The following RAPGEF4 variants were observed in gnomAD, a reference collection of about 807,000 sequenced individuals.
RAPGEF4 encodes RAP guanine-nucleotide-exchange factor (GEF) 4.
Under a neutral mutation model 147.9 loss-of-function variants are expected in RAPGEF4, and 66 were observed. The observed-to-expected ratio is 0.45, with a 90% CI of 0.37 to 0.55. The LOEUF (loss-of-function observed/expected upper bound fraction) is 0.55. RAPGEF4 is among the 20% of genes least tolerant of loss of function. RAPGEF4 has a pLI of 0.00. For synonymous variants in RAPGEF4, 419 were observed against 442.7 expected, an observed-to-expected ratio of 0.95 and a Z score of 0.67; for missense variants, 1,071 against 1,257.3, an observed-to-expected ratio of 0.85 and a Z score of 2.24.
At chr2:172,904,397 A>G (rs72908268) in intron 4 of RAPGEF4, among the ~76,000 whole-genome samples, 30,683 of 152,204 alleles carry the variant, frequency 0.2, 3,779 homozygotes, top group Middle Eastern at 0.29. Flanking sequence ...TTACTATGCA[A>G]TAACATTGCT....
chr2:172,801,743 C>T (rs543784306), intron 3 of RAPGEF4, among the ~76,000 whole-genome samples: 21 of 151,998 alleles, frequency 1.4e-4, no homozygotes, highest in African/African-American at 2.4e-4. Context: ...CCAGAAGGAC[C>T]GGAAGGGGAA....
chr2:173,022,097 A>G (rs1270152019), intron 23 of RAPGEF4, among the ~76,000 whole-genome samples: 1 of 152,248 alleles, frequency 6.6e-6, no homozygotes, highest in Non-Finnish European at 1.5e-5. Flanking sequence ...AAGGAAAGCC[A>G]TAAAAAGCCA....
intron 4 of RAPGEF4, among the ~76,000 whole-genome samples, chr2:172,912,228 C>G (rs1041412918): frequency 2.0e-5 from 3 of 152,228 alleles, no homozygotes; most frequent in South Asian, 2.1e-4. Flanking sequence ...CTGTTTCTTA[C>G]AGTCCAGGAT....
intron 24 of RAPGEF4, 106 bp downstream of exon 24, chr2:173,026,803 A>G: frequency 2.1e-6 from 3 of 1,441,918 alleles, no homozygotes; most frequent in South Asian, 1.4e-5. Flanking sequence ...TGGAAACCAC[A>G]TGACCATTTT....
At chr2:173,037,648 C>T (rs1247632412) in intron 29 of RAPGEF4, among the ~76,000 whole-genome samples, 1 of 152,084 alleles carries the variant, frequency 6.6e-6, no homozygotes, top group East Asian at 1.9e-4. Context: ...TGTTGGAGTG[C>T]TTAATATCTC....
At chr2:173,028,924 A>G (rs1696918315) in intron 25 of RAPGEF4, among the ~76,000 whole-genome samples, 1 of 152,260 alleles carries the variant, frequency 6.6e-6, no homozygotes, top group South Asian at 2.1e-4. Context: ...GAGAAATTTC[A>G]TGACTTACAT....
At position 172,923,195 on chromosome 2, in the gene RAPGEF4, T is replaced by G. The variant is rs1478839073; in HGVS notation, c.537+895T>G. Among the ~76,000 whole-genome samples, 3 of 152,204 alleles carry G rather than the reference T, an allele frequency of 2.0e-5. No homozygotes were observed. The East Asian group carries it at 5.8e-4, about 29-fold the overall frequency. ...TTTAGCTCTTCCTCTTTTCATAGTA[T>G]TAGTTTTAAAAGGACTGGTTGGGAA... On this transcript the variant is annotated intron_variant, in intron 6 of 30. Coordinates refer to ENST00000397081, the MANE Select transcript of RAPGEF4 (RefSeq NM_007023.4).
intron 3 of RAPGEF4, among the ~76,000 whole-genome samples, chr2:172,809,041 T>G (rs1687766437): frequency 6.6e-6 from 1 of 152,332 alleles, no homozygotes; most frequent in South Asian, 2.1e-4. Context: ...TGCTCATGAC[T>G]TAACTTCAGC....
At chr2:172,982,149 G>T (rs1040007964) in intron 10 of RAPGEF4, among the ~76,000 whole-genome samples, 24 of 152,188 alleles carry the variant, frequency 1.6e-4, no homozygotes, top group Non-Finnish European at 3.2e-4. Context: ...GCTAAATCTA[G>T]CGCTGTGTTT....
At chr2:172,746,715 C>A (rs542560235) in intron 1 of RAPGEF4, among the ~76,000 whole-genome samples, 30 of 152,048 alleles carry the variant, frequency 2.0e-4, no homozygotes, top group African/African-American at 5.5e-4. Flanking sequence ...CGGGTTCAAG[C>A]AATTCTCCTG....
intron 10 of RAPGEF4, among the ~76,000 whole-genome samples, chr2:172,982,151 G>C (rs984725046): frequency 3.9e-5 from 6 of 152,148 alleles, no homozygotes; most frequent in African/African-American, 1.4e-4. Flanking sequence ...TAAATCTAGC[G>C]CTGTGTTTAG....
chr2:172,958,814 A>G (rs1295689395), intron 6 of RAPGEF4, among the ~76,000 whole-genome samples: 1 of 152,236 alleles, frequency 6.6e-6, no homozygotes, highest in Non-Finnish European at 1.5e-5. Context: ...TCTGTATCTT[A>G]TCTATGCTGT....
intron 10 of RAPGEF4, among the ~76,000 whole-genome samples, chr2:172,977,586 C>G (rs558533718): frequency 7.5e-4 from 114 of 152,112 alleles, no homozygotes; most frequent in African/African-American, 2.5e-3. Flanking sequence ...ACTGAGCCCC[C>G]ACTAGGGTGG....
intron 4 of RAPGEF4, among the ~76,000 whole-genome samples, chr2:172,877,567 G>A (rs1696114223): frequency 6.6e-6 from 1 of 151,664 alleles, no homozygotes; most frequent in South Asian, 2.1e-4. Context: ...TTAAAGTCCA[G>A]TTCAAGACCT....
chr2:173,011,036 C>T (rs79265507), intron 17 of RAPGEF4, among the ~76,000 whole-genome samples: 2,560 of 152,272 alleles, frequency 0.017, 78 homozygotes, highest in African/African-American at 0.057. Context: ...AAGCCTTTCC[C>T]AGTCCCTCCG....
chr2:172,891,701 C>T (rs764459969), intron 4 of RAPGEF4, among the ~76,000 whole-genome samples: 3 of 152,142 alleles, frequency 2.0e-5, no homozygotes, highest in Non-Finnish European at 4.4e-5. Flanking sequence ...CAGTGGAGTA[C>T]AGAGGGTCAG....
At chr2:172,834,293 A>G (rs770075255) in intron 4 of RAPGEF4, among the ~76,000 whole-genome samples, 4 of 152,244 alleles carry the variant, frequency 2.6e-5, no homozygotes, top group South Asian at 4.1e-4. Flanking sequence ...CCAGTGCTCA[A>G]TGTATTGGCC....
intron 4 of RAPGEF4, among the ~76,000 whole-genome samples, chr2:172,874,597 A>G (rs1469783676): frequency 2.6e-5 from 4 of 152,286 alleles, no homozygotes; most frequent in South Asian, 4.1e-4. Context: ...TTATGGCTAT[A>G]TAGTATTCCA....
intron 10 of RAPGEF4, among the ~76,000 whole-genome samples, chr2:172,971,067 G>T (rs982691185): frequency 6.7e-6 from 1 of 149,986 alleles, no homozygotes. Flanking sequence ...CCTATAGCAA[G>T]TAGATATAAT....
Sources: gnomAD v4.1 joint callset for allele counts (sites outside exome capture counted in the v4.1 genomes callset) on GRCh38, gnomAD v4.1.1 for gene constraint, MANE v1.5 for transcripts, NCBI Gene and HGNC (gene_info 2026-07-23, HGNC 2026-07-21) for gene names.